Variants in ATP2A2 observed in about 807,000 individuals in gnomAD.
The protein encoded by ATP2A2 is ATPase sarcoplasmic/endoplasmic reticulum Ca2+ transporting 2.
A neutral mutation model predicts 109.3 loss-of-function variants in ATP2A2; 14 were observed. The ratio of observed to expected loss-of-function variants is 0.13; its 90% CI spans 0.08 to 0.20. The LOEUF (loss-of-function observed/expected upper bound fraction) is 0.20. Among genes scored for constraint, ATP2A2 ranks in the 10% least tolerant of loss-of-function variants. The probability of loss-of-function intolerance (pLI) is 1.00; values close to 1 mark genes in which losing one functional copy is unlikely to be tolerated. For missense variants in ATP2A2, 657 were observed against 1,321.6 expected (o/e 0.50, Z 7.80); for synonymous variants, 506 against 490.9 (o/e 1.03, Z -0.41).
intron 5 of ATP2A2, among the ~76,000 whole-genome samples, chr12:110,314,336 GAAAAA>G (rs398055936): frequency 2.4e-5 from 3 of 122,570 alleles, no homozygotes; most frequent in Non-Finnish European, 5.4e-5. Flanking sequence ...CTCAAAAAAA[GAAAAA>G]AAAAAAAAAA....
intron 5 of ATP2A2, among the ~76,000 whole-genome samples, chr12:110,300,285 C>G (rs1874470000): frequency 7.0e-6 from 1 of 143,688 alleles, no homozygotes; most frequent in Non-Finnish European, 1.5e-5. Context: ...TCCTTGGCTT[C>G]AAGGGGGTCC....
At chr12:110,345,862 G>T (rs1879797261) in intron 18 of ATP2A2, 139 bp from the exon 19 acceptor site, 1 of 842,318 alleles carries the variant, frequency 1.2e-6, no homozygotes, top group Non-Finnish European at 2.0e-6. Flanking sequence ...CTTTGCCACT[G>T]TAGAAAGTGG....
chr12:110,322,658 A>T (rs913107426), intron 5 of ATP2A2, among the ~76,000 whole-genome samples: 3 of 152,228 alleles, frequency 2.0e-5, no homozygotes, highest in Non-Finnish European at 4.4e-5. Context: ...ATATGTAGTA[A>T]GACTTTTACT....
chr12:110,305,655 T>A (rs1398653826), intron 5 of ATP2A2, among the ~76,000 whole-genome samples: 1 of 152,238 alleles, frequency 6.6e-6, no homozygotes, highest in Non-Finnish European at 1.5e-5. Flanking sequence ...CGTTTTGTAT[T>A]TTTTGAAATT....
chr12:110,291,769 C>T (rs1873336736), intron 3 of ATP2A2, among the ~76,000 whole-genome samples: 1 of 151,680 alleles, frequency 6.6e-6, no homozygotes, highest in African/African-American at 2.4e-5. Context: ...GCCTCAGCCT[C>T]CTGAGTAGCT....
intron 10 of ATP2A2, among the ~76,000 whole-genome samples, chr12:110,333,608 G>A (rs1052442669): frequency 2.6e-5 from 4 of 152,208 alleles, no homozygotes; most frequent in Non-Finnish European, 5.9e-5. Flanking sequence ...AAAGGATATA[G>A]TTTCTGTCTC....
intron 18 of ATP2A2, 126 bp downstream of exon 18, chr12:110,345,508 A>G: frequency 7.2e-7 from 1 of 1,397,944 alleles, no homozygotes; most frequent in Admixed American, 1.8e-5. Flanking sequence ...AAAGGAGAAC[A>G]GGCAATACCA....
At chr12:110,302,697 C>G (rs927192684) in intron 5 of ATP2A2, among the ~76,000 whole-genome samples, 2 of 151,926 alleles carry the variant, frequency 1.3e-5, no homozygotes, top group African/African-American at 2.4e-5. Flanking sequence ...CCTGCCTGTT[C>G]AAGTGATTCT....
intron 5 of ATP2A2, among the ~76,000 whole-genome samples, chr12:110,306,449 CCAGATGATGAGTA>C (rs1222817901): frequency 6.6e-6 from 1 of 152,242 alleles, no homozygotes. Context: ...ATCCTGTCAT[CCAGATGATGAGTA>C]TAGATGATGA....
At chr12:110,343,479 T>A (rs1185668261) in intron 16 of ATP2A2, 45 bp downstream of exon 16, 12 of 1,603,522 alleles carry the variant, frequency 7.5e-6, no homozygotes, top group South Asian at 3.3e-5. Flanking sequence ...ACAAAATGTT[T>A]GTGAGCTGAA....
rs141335001 is a variant in ATP2A2 at position 110,281,883 on chromosome 12, C to A, written c.94C>A (p.Leu32Ile). 1.9e-6 allele frequency: 3 copies of A among 1,580,984 alleles called. No homozygotes were observed. Among genetic ancestry groups the A allele is most frequent in the African/African-American group, 2.8e-5 (2 of 72,120 alleles). The change falls in exon 1 of 20, where the codon CTT (leucine) becomes ATT (isoleucine). Residue 32 changes from leucine (L) to isoleucine (I), a missense_variant. This residue lies in a region of ATP2A2 where 64 missense variants were observed against 65.4 expected (regional missense o/e 0.98). Transcript: ENST00000539276. The stretch of plus-strand genomic sequence containing the variant: ...GCTGAGCCTGGAACAGGTCAAGAAG[C>A]TTAAGGAGAGATGGGGCTCCAACGG... ...TGLSLEQVKK[L>I]KERWGSNELP...
At chr12:110,297,324 A>G (rs376996532) in intron 5 of ATP2A2, among the ~76,000 whole-genome samples, 6 of 151,362 alleles carry the variant, frequency 4.0e-5, no homozygotes, top group Middle Eastern at 6.9e-3. Context: ...AGTCCCAGCC[A>G]CTTGTGAGGC....
rs1227117509 is a variant in ATP2A2 at position 110,281,420 on chromosome 12, C to T, written c.-370C>T. ...CGCCCTCAGTGGTCTGCCGGGCGCC[C>T]CCTCCTCCGGCCCGGGCGGGGCCTC... On this transcript the variant is annotated 5_prime_UTR_variant, in exon 1 of 20. Transcript: ENST00000539276. 1 of 152,540 alleles carries T rather than the reference C, an allele frequency of 6.6e-6. No individual in the cohort carries two copies. The highest frequency in any genetic ancestry group is 1.5e-5 in the Non-Finnish European group (1 of 68,470). 9.4% of individuals were successfully genotyped at this position (152,540 alleles called of 1,614,324 possible).
At chr12:110,282,691 C>T (rs2137673921) in intron 2 of ATP2A2, 22 bp from the exon 3 acceptor site, 2 of 1,613,738 alleles carry the variant, frequency 1.2e-6, no homozygotes, top group Non-Finnish European at 1.7e-6. Flanking sequence ...ACAGTTAAAA[C>T]ACATGTGTTT....
intron 6 of ATP2A2, 150 bp from the exon 7 acceptor site, chr12:110,326,240 T>C (rs1323943882): frequency 1.4e-6 from 1 of 709,944 alleles, no homozygotes; most frequent in East Asian, 2.7e-5. Context: ...TTTTCCCAGC[T>C]TACCTCCTTT....
At chr12:110,314,095 G>A (rs890380924) in intron 5 of ATP2A2, among the ~76,000 whole-genome samples, 1 of 151,776 alleles carries the variant, frequency 6.6e-6, no homozygotes, top group Non-Finnish European at 1.5e-5. Context: ...TTTGGAGGCC[G>A]AGGCGGGCAG....
intron 5 of ATP2A2, among the ~76,000 whole-genome samples, chr12:110,322,625 A>C (rs1217804559): frequency 1.3e-5 from 2 of 152,150 alleles, no homozygotes; most frequent in African/African-American, 4.8e-5. Flanking sequence ...ATACAACTTT[A>C]TTCTCTTTGC....
At chr12:110,303,478 T>G (rs759654042) in intron 5 of ATP2A2, among the ~76,000 whole-genome samples, 1 of 152,178 alleles carries the variant, frequency 6.6e-6, no homozygotes, top group Non-Finnish European at 1.5e-5. Context: ...TGGCATGATC[T>G]TGGCTCACTG....
chr12:110,312,809 A>C (rs923031449), intron 5 of ATP2A2, among the ~76,000 whole-genome samples: 2 of 151,048 alleles, frequency 1.3e-5, no homozygotes, highest in Non-Finnish European at 2.9e-5. Flanking sequence ...TAGATTGCAC[A>C]ACTGCATTCC....
Sources: gnomAD v4.1 joint callset for allele counts (sites outside exome capture counted in the v4.1 genomes callset) on GRCh38, gnomAD v4.1.1 for gene constraint, gnomAD v4.1.1 regional missense constraint, MANE v1.5 for transcripts, NCBI Gene and HGNC (gene_info 2026-07-23, HGNC 2026-07-21) for gene names.